The following PRKCQ variants were observed in gnomAD, a reference collection of about 807,000 sequenced individuals.
PRKCQ encodes protein kinase C theta type.
PRKCQ carries 41 observed loss-of-function variants against 91.2 expected under a neutral mutation model. The observed-to-expected ratio is 0.45, with a 90% CI of 0.35 to 0.58. The LOEUF (loss-of-function observed/expected upper bound fraction) is 0.58. PRKCQ is among the 20% of genes least tolerant of loss of function. The pLI is 0.00. For missense variants in PRKCQ, 673 were observed against 896.5 expected, an observed-to-expected ratio of 0.75 and a Z score of 3.18; for synonymous variants, 307 against 316.9, an observed-to-expected ratio of 0.97 and a Z score of 0.33.
At chr10:6,495,816 G>A (rs1158035339) in intron 7 of PRKCQ, among the ~76,000 whole-genome samples, 1 of 152,146 alleles carries the variant, frequency 6.6e-6, no homozygotes, top group Non-Finnish European at 1.5e-5. Flanking sequence ...AGGATGGGAG[G>A]GAGGGAGGAT....
the PRKCQ span, among the ~76,000 whole-genome samples, chr10:6,395,708 TTAGC>T: frequency 6.6e-6 from 1 of 152,182 alleles, no homozygotes. Context: ...CCTCCCAAAG[TTAGC>T]TCAGCCCAGG....
the PRKCQ span, among the ~76,000 whole-genome samples, chr10:6,409,035 T>A: frequency 3.9e-5 from 6 of 152,242 alleles, no homozygotes; most frequent in Admixed American, 6.5e-5. Flanking sequence ...TGCTTTCTGG[T>A]CTCACTTTTC....
In PRKCQ at chr10:6,491,653, C is replaced by G. The variant is rs759019870; in HGVS notation, c.790+30G>C. On this transcript the variant is annotated intron_variant, in intron 8 of 17. Transcript: ENST00000263125. The stretch of plus-strand genomic sequence containing the variant: ...GCTCCATCCCCTAGGGGGTCCACGT[C>G]GGGCCATGCTCATCCCCCACTGGAC... The G allele has an allele frequency of 9.9e-6, 16 of 1,612,588 alleles. No individual in the cohort carries two copies. In the South Asian group the frequency reaches 1.6e-4, roughly 17 times the overall value.
chr10:6,457,586 A>G (rs4750492), intron 14 of PRKCQ, among the ~76,000 whole-genome samples: 4,454 of 152,246 alleles, frequency 0.029, 148 homozygotes, highest in Admixed American at 0.094. Flanking sequence ...AAACTGGATG[A>G]AGGGCAAACA....
the PRKCQ span, among the ~76,000 whole-genome samples, chr10:6,407,470 AGTGTGTGTGTGT>A: frequency 6.7e-6 from 1 of 148,858 alleles, no homozygotes; most frequent in Admixed American, 6.8e-5. The surrounding 1 kb of genome is among the most constrained non-coding windows in gnomAD (Gnocchi z 4.0). Flanking sequence ...GTACATGTTC[AGTGTGTGTGTGT>A]GTGTGTGTGT....
rs1471988460 is a variant in PRKCQ, at chr10:6,474,887, T to C, written c.1353+4105A>G. On this transcript the variant is annotated intron_variant, in intron 12 of 17. Coordinates refer to ENST00000263125, the MANE Select transcript of PRKCQ (RefSeq NM_006257.5). ...CTAGTAGTGCAAAAGTTGGCTGGCA[T>C]CCGCACTGAAGGGGGTACTGAGAAG... 2.6e-5 allele frequency among the ~76,000 whole-genome samples: 4 copies of C among 152,304 alleles called. No homozygotes were observed. The East Asian group carries it at 5.8e-4, about 22-fold the overall frequency.
intron 1 of PRKCQ, among the ~76,000 whole-genome samples, chr10:6,579,750 C>G (rs987578360): frequency 6.6e-6 from 1 of 151,636 alleles, no homozygotes; most frequent in Non-Finnish European, 1.5e-5. Flanking sequence ...AATGGCACCC[C>G]CGTCCGTGCT....
At chr10:6,501,764 C>T (rs1014777349) in intron 4 of PRKCQ, among the ~76,000 whole-genome samples, 10 of 151,734 alleles carry the variant, frequency 6.6e-5, no homozygotes, top group Admixed American at 2.0e-4. Context: ...GCGGAGGTTG[C>T]GGCGAGCCAA....
chr10:6,411,631 G>A, the PRKCQ span, among the ~76,000 whole-genome samples: 3 of 152,170 alleles, frequency 2.0e-5, no homozygotes, highest in African/African-American at 4.8e-5. Flanking sequence ...ATTTGTTTCC[G>A]TATTGGCCGT....
At chr10:6,481,282 G>A (rs909445058) in intron 11 of PRKCQ, among the ~76,000 whole-genome samples, 3 of 152,160 alleles carry the variant, frequency 2.0e-5, no homozygotes, top group African/African-American at 7.2e-5. Context: ...AACAAAGAAA[G>A]ATAAACATTT....
At chr10:6,476,743 G>A (rs1836289428) in intron 12 of PRKCQ, among the ~76,000 whole-genome samples, 1 of 152,166 alleles carries the variant, frequency 6.6e-6, no homozygotes, top group Non-Finnish European at 1.5e-5. Flanking sequence ...GAAAAAATGT[G>A]TTTAGCAGTT....
intron 16 of PRKCQ, among the ~76,000 whole-genome samples, chr10:6,436,823 C>T (rs537508285): frequency 6.6e-5 from 10 of 152,318 alleles, no homozygotes; most frequent in African/African-American, 2.4e-4. Flanking sequence ...TTCTTCCCAT[C>T]CAATCTTTCT....
Position 6,430,688 on chromosome 10 carries a change from G to T in PRKCQ, c.1965+122C>A. On this transcript the variant is annotated intron_variant, in intron 17 of 17. Transcript: ENST00000263125. This position sits in a 1 kb window ranked among gnomAD's most constrained non-coding sequence, Gnocchi z 4.7. ...TAGAGACGTGCATTCCTCCTGGAGA[G>T]TGGGGCTGGTGGGGAGTTGGGGCAC... 1 of 1,374,658 alleles carries T rather than the reference G, an allele frequency of 7.3e-7. No individual in the cohort carries two copies. The highest frequency in any genetic ancestry group is 1.3e-5 in the South Asian group (1 of 74,154). 85.2% of individuals were successfully genotyped at this position (1,374,658 alleles called of 1,614,324 possible).
At chr10:6,579,476 G>C (rs1051638306) in intron 1 of PRKCQ, among the ~76,000 whole-genome samples, 2 of 152,028 alleles carry the variant, frequency 1.3e-5, no homozygotes, top group African/African-American at 4.8e-5. Context: ...ATGCCCACGG[G>C]GGAGTGCACA....
At chr10:6,466,965 T>A (rs1020200503) in intron 12 of PRKCQ, among the ~76,000 whole-genome samples, 3 of 152,198 alleles carry the variant, frequency 2.0e-5, no homozygotes, top group African/African-American at 4.8e-5. Context: ...CTCCTGAGCT[T>A]CATTTAGTTT....
intron 4 of PRKCQ, among the ~76,000 whole-genome samples, chr10:6,505,101 G>A (rs1838119298): frequency 6.6e-6 from 1 of 152,070 alleles, no homozygotes; most frequent in Non-Finnish European, 1.5e-5. Flanking sequence ...CACCATGTTA[G>A]CCAGGATGGT....
At chr10:6,472,979 C>G (rs11812352) in intron 12 of PRKCQ, among the ~76,000 whole-genome samples, 93 of 152,352 alleles carry the variant, frequency 6.1e-4, no homozygotes, top group Admixed American at 1.4e-3. Context: ...CTCCAAAGTG[C>G]TGGGATTACA....
the PRKCQ span, among the ~76,000 whole-genome samples, chr10:6,400,467 A>G: frequency 6.6e-6 from 1 of 152,174 alleles, no homozygotes; most frequent in South Asian, 2.1e-4. Flanking sequence ...ACTGTCATAT[A>G]CGCAGGGCAG....
chr10:6,506,859 C>T (rs1158101813), intron 4 of PRKCQ, among the ~76,000 whole-genome samples: 1 of 152,172 alleles, frequency 6.6e-6, no homozygotes, highest in African/African-American at 2.4e-5. Flanking sequence ...GCCCTGACAG[C>T]CTGTCTCAGC....
Sources: gnomAD v4.1 joint callset for allele counts (sites outside exome capture counted in the v4.1 genomes callset) on GRCh38, gnomAD v4.1.1 for gene constraint, Gnocchi (gnomAD v3.1) non-coding constraint, MANE v1.5 for transcripts, NCBI Gene and HGNC (gene_info 2026-07-23, HGNC 2026-07-21) for gene names.